Variants in APBB2 observed in about 807,000 individuals in gnomAD.
APBB2 encodes the protein Fe65-like 1.
A neutral mutation model predicts 82.5 loss-of-function variants in APBB2; 38 were observed. The ratio of observed to expected loss-of-function variants is 0.46; its 90% CI spans 0.36 to 0.60. The LOEUF is 0.60. Among genes scored for constraint, APBB2 ranks in the 20% least tolerant of loss-of-function variants. The pLI is 0.00. For synonymous variants in APBB2, 341 were observed against 368.2 expected (o/e 0.93, Z 0.85); for missense variants, 772 against 972.3 (o/e 0.79, Z 2.74).
At chr4:40,937,255 T>A (rs1296540250) in intron 7 of APBB2, among the ~76,000 whole-genome samples, 1 of 152,154 alleles carries the variant, frequency 6.6e-6, no homozygotes, top group Non-Finnish European at 1.5e-5. Context: ...ACAAAAAGAA[T>A]TTCAGAAATT....
intron 1 of APBB2, among the ~76,000 whole-genome samples, chr4:41,160,180 C>CGGGT (rs1297758595): frequency 6.6e-6 from 1 of 151,996 alleles, no homozygotes; most frequent in Non-Finnish European, 1.5e-5. Context: ...CTGTAAGGAA[C>CGGGT]GGGTGCGGGG....
intron 6 of APBB2, among the ~76,000 whole-genome samples, chr4:40,945,837 T>C (rs1188587384): frequency 1.3e-5 from 2 of 152,296 alleles, no homozygotes; most frequent in African/African-American, 4.8e-5. Flanking sequence ...CTCCATCTCC[T>C]GACCTCGTGA....
chr4:40,824,679 T>C (rs1749272558), intron 15 of APBB2, among the ~76,000 whole-genome samples: 1 of 152,018 alleles, frequency 6.6e-6, no homozygotes, highest in African/African-American at 2.4e-5. Context: ...TTTGTAGAGA[T>C]GAGGTTTTGC....
chr4:41,019,449 C>T (rs985852640), intron 5 of APBB2, among the ~76,000 whole-genome samples: 2 of 152,002 alleles, frequency 1.3e-5, no homozygotes, highest in African/African-American at 2.4e-5. Flanking sequence ...GACACAAAAC[C>T]GAGCAAAAGC....
At chr4:41,080,266 T>A (rs1318222421) in intron 3 of APBB2, among the ~76,000 whole-genome samples, 1 of 152,208 alleles carries the variant, frequency 6.6e-6, no homozygotes, top group Non-Finnish European at 1.5e-5. Flanking sequence ...ACCTGGGCAA[T>A]TTATCTGCAT....
intron 10 of APBB2, among the ~76,000 whole-genome samples, chr4:40,908,352 G>A (rs2154361449): frequency 6.6e-6 from 1 of 152,272 alleles, no homozygotes; most frequent in South Asian, 2.1e-4. Flanking sequence ...ACACGGTGGT[G>A]TATACACTTC....
chr4:41,013,638 G>A lies in APBB2; in HGVS notation c.780C>T (p.Ser260=), dbSNP rs1014071314. Reference sequence around the variant, plus strand: ...TGTCTTGGGACAACGTTGTCCAGCTGGACTCCTCATCGCTCGGTGCCAGGT... The same window carrying A: ...TGTCTTGGGACAACGTTGTCCAGCTAGACTCCTCATCGCTCGGTGCCAGGT... ...IQNLAPSDEE[S]SWTTLSQDSA... Residue 260 remains serine (S), a synonymous_variant, in exon 6 of 18, where the codon TCC becomes TCT. Coordinates refer to ENST00000508593, the MANE Select transcript of APBB2 (RefSeq NM_004307.2). 6.2e-7 allele frequency: 1 copy of A among 1,614,092 alleles called. No individual in the cohort carries two copies. The highest frequency in any genetic ancestry group is 1.3e-5 in the African/African-American group (1 of 74,938).
chr4:40,903,806 T>C (rs1775975609), intron 10 of APBB2, among the ~76,000 whole-genome samples: 1 of 152,200 alleles, frequency 6.6e-6, no homozygotes, highest in South Asian at 2.1e-4. Flanking sequence ...GGCTGCTGCC[T>C]ATGCTGCAAT....
At chr4:40,981,845 T>C (rs1407209008) in intron 6 of APBB2, among the ~76,000 whole-genome samples, 8 of 152,050 alleles carry the variant, frequency 5.3e-5, no homozygotes, top group Non-Finnish European at 1.2e-4. Flanking sequence ...GGCTAATGCA[T>C]CCCAGCACTT....
intron 6 of APBB2, among the ~76,000 whole-genome samples, chr4:40,973,361 C>T (rs971700197): frequency 6.6e-6 from 1 of 152,184 alleles, no homozygotes; most frequent in African/African-American, 2.4e-5. Flanking sequence ...ACCTGGGTTC[C>T]AAGAACTTTC....
intron 1 of APBB2, among the ~76,000 whole-genome samples, chr4:41,201,537 G>A (rs13135727): frequency 0.08 from 12,134 of 152,210 alleles, 688 homozygotes; most frequent in Non-Finnish European, 0.12. Context: ...CCACAGCATG[G>A]CCAGGTAAGT....
chr4:41,005,596 G>A (rs1158661831), intron 6 of APBB2, among the ~76,000 whole-genome samples: 1 of 152,146 alleles, frequency 6.6e-6, no homozygotes, highest in Non-Finnish European at 1.5e-5. Flanking sequence ...TGGCACTTCT[G>A]AGAAGCCTCA....
At chr4:41,062,346 TA>T (rs200408979) in intron 4 of APBB2, among the ~76,000 whole-genome samples, 3 of 61,832 alleles carry the variant, frequency 4.9e-5, no homozygotes, top group Non-Finnish European at 6.0e-5. Flanking sequence ...CTAATTTTTG[TA>T]TTTTTTTTTT....
intron 2 of APBB2, among the ~76,000 whole-genome samples, chr4:41,126,743 G>A (rs1440723208): frequency 1.3e-5 from 2 of 152,138 alleles, no homozygotes; most frequent in Admixed American, 6.5e-5. Context: ...GTAGAGAGCC[G>A]TCTTATCCCT....
chr4:41,094,489 G>A (rs1456304185), intron 3 of APBB2, among the ~76,000 whole-genome samples: 1 of 152,204 alleles, frequency 6.6e-6, no homozygotes, highest in Non-Finnish European at 1.5e-5. Flanking sequence ...CTGTATAACT[G>A]CAACTGAAGC....
chr4:41,144,248 A>G (rs551963838), intron 1 of APBB2, among the ~76,000 whole-genome samples: 1 of 152,354 alleles, frequency 6.6e-6, no homozygotes, highest in South Asian at 2.1e-4. Context: ...GCATAACATT[A>G]CATTAATCTC....
chr4:40,880,372 T>C, intron 12 of APBB2: 1 of 985,398 alleles, frequency 1.0e-6, no homozygotes, highest in Non-Finnish European at 1.2e-6. Flanking sequence ...CTCAGGATGA[T>C]GACATTTGAG....
chr4:40,853,638 G>C (rs1338540250), intron 12 of APBB2, among the ~76,000 whole-genome samples: 1 of 150,728 alleles, frequency 6.6e-6, no homozygotes, highest in African/African-American at 2.4e-5. Context: ...TGTATTTTTA[G>C]TAGAGACAGG....
chr4:41,120,667 C>T (rs1471052788), intron 2 of APBB2, among the ~76,000 whole-genome samples: 1 of 152,076 alleles, frequency 6.6e-6, no homozygotes, highest in Non-Finnish European at 1.5e-5. Flanking sequence ...TAATTTTTGG[C>T]CAGATTCCAG....
Sources: allele counts gnomAD v4.1 joint callset (sites outside exome capture counted in the v4.1 genomes callset), GRCh38; gene constraint gnomAD v4.1.1; transcripts MANE v1.5; gene names NCBI Gene and HGNC (gene_info 2026-07-23, HGNC 2026-07-21).